Variants in COL20A1 observed in about 807,000 individuals in gnomAD.
COL20A1 encodes the protein collagen type XX alpha 1 chain, also known as collagen alpha-1(XX) chain.
In COL20A1, 164 loss-of-function variants were observed where a neutral mutation model predicts 152.9. The ratio of observed to expected loss-of-function variants is 1.07; its 90% confidence interval spans 0.94 to 1.22. COL20A1 has a LOEUF of 1.22. Among genes scored for constraint, COL20A1 ranks in the 50% most tolerant of loss-of-function variants. COL20A1 has a pLI of 0.00. For missense variants in COL20A1, 1,873 were observed against 1,744.8 expected, an observed-to-expected ratio of 1.07 and a Z score of -1.31; for synonymous variants, 864 against 756.0, an observed-to-expected ratio of 1.14 and a Z score of -2.34.
chr20:63,308,055 G>T lies in COL20A1; in HGVS notation c.740G>T (p.Arg247Leu). ...STKEQVLAAVRRLRYKGGNTF... is the reference protein window; with the variant it reads ...STKEQVLAAVLRLRYKGGNTF... The stretch of plus-strand genomic sequence containing the variant: ...AAGGAACAGGTGCTGGCAGCTGTGC[G>T]CCGCCTCCGCTACAAGGGGGGGAAC... The change falls in exon 7 of 36, where the codon CGC (arginine) becomes CTC (leucine). Residue 247 changes from arginine to leucine, a missense_variant. Coordinates refer to ENST00000358894, the MANE Select transcript of COL20A1 (RefSeq NM_020882.4). 1 of 1,612,540 alleles carries T rather than the reference G, an allele frequency of 6.2e-7. No homozygotes were observed.
Position 63,316,536 on chromosome 20 carries a change from C to T in COL20A1, c.2525-17C>T, listed in dbSNP as rs778390446. On this transcript the variant is annotated splice_polypyrimidine_tract_variant and intron_variant, in intron 20 of 35. Transcript: ENST00000358894. ...CTGAGGGTCCCTCGGTGCCCCTTCC[C>T]CCACCATCTTCCCCAGGGTTTGACC... 6.3e-6 allele frequency: 10 copies of T among 1,583,584 alleles called. No individual in the cohort carries two copies. The highest frequency in any genetic ancestry group is 1.4e-5 in the African/African-American group (1 of 74,046).
At position 63,334,320 on chromosome 20, in the gene COL20A1, AAAT is replaced by A. The variant is rs1434795622; in HGVS notation, c.*3608_*3610del. ...AGGAAACGTGAAGATACTTGTAACCAAATAATGATGGATGCAGCGCCACGTCAG... is the reference window on the plus strand; with the variant it reads ...AGGAAACGTGAAGATACTTGTAACCAAATGATGGATGCAGCGCCACGTCAG... On this transcript the variant is annotated 3_prime_UTR_variant, in exon 36 of 36. Transcript: ENST00000358894. 1.3e-5 allele frequency: 2 copies of A among 152,308 alleles called. No homozygotes were observed. The highest frequency in any genetic ancestry group is 2.4e-5 in the African/African-American group (1 of 41,474). The allele number at this position is 152,308 out of a possible 1,614,324, so 9.4% of individuals were successfully genotyped here.
chr20:63,308,070 AG>A lies in COL20A1; in HGVS notation c.762del (p.Asn255ThrfsTer8), dbSNP rs749207634. ...VLAAVRRLRY[K>X]GGNTFTGLAL... ...GCAGCTGTGCGCCGCCTCCGCTACA[AG>A]GGGGGGAACACGTTCACAGGTACGG... On this transcript the variant is annotated frameshift_variant, in exon 7 of 36. Transcript: ENST00000358894. LOFTEE classifies it high-confidence loss of function. 1.8e-4 allele frequency: 292 copies of A among 1,612,260 alleles called. No homozygotes were observed. The highest frequency in any genetic ancestry group is 1.5e-3 in the Middle Eastern group (9 of 6,056).
rs1428537386 is a variant in COL20A1 at position 63,306,050 on chromosome 20, G to A, written c.496+11G>A. 1 of 1,589,016 alleles carries A rather than the reference G, an allele frequency of 6.3e-7. No individual in the cohort carries two copies. The highest frequency in any genetic ancestry group is 8.5e-7 in the Non-Finnish European group (1 of 1,169,802). On this transcript the variant is annotated intron_variant, in intron 5 of 35. Coordinates refer to ENST00000358894, the MANE Select transcript of COL20A1 (RefSeq NM_020882.4). This position sits in a 1 kb window ranked among gnomAD's most constrained non-coding sequence, Gnocchi z 6.9. ...ATCCGCGCACTCCTGGTGGGTCAGA[G>A]TGGAGAGAGAGTAAGTCTCCGGGGA...
Position 63,312,482 on chromosome 20 carries a change from C to T in COL20A1, c.1866C>T (p.Tyr622=), listed in dbSNP as rs764543783. The T allele has an allele frequency of 6.2e-7, 1 of 1,609,176 alleles. No individual in the cohort carries two copies. Among genetic ancestry groups the T allele is most frequent in the South Asian group, 1.1e-5 (1 of 90,846 alleles). ...GGCCTCTCTCTTCCTCCACCACCTA[C>T]ACTGTCCGTGTCACCTGCCTCTACC... ...TLGPLSSSTT[Y]TVRVTCLYPG... is the part of the protein sequence containing the mutation. Residue 622 remains tyrosine, a synonymous_variant, in exon 15 of 36, where the codon TAC becomes TAT. Transcript: ENST00000358894.
intron 2 of COL20A1, 46 bp downstream of exon 2, chr20:63,295,235 T>C (rs1171452720): frequency 7.4e-7 from 1 of 1,358,806 alleles, no homozygotes; most frequent in Non-Finnish European, 1.0e-6. Context: ...AGGCCACGCC[T>C]GCCCCACCAG....
intron 35 of COL20A1, among the ~76,000 whole-genome samples, chr20:63,330,250 G>C (rs1314735510): frequency 6.6e-6 from 1 of 152,128 alleles, no homozygotes; most frequent in Non-Finnish European, 1.5e-5. Context: ...AGGAGCAGGT[G>C]GTGGGTACAG....
At chr20:63,295,796 TA>T (rs1401186938) in intron 2 of COL20A1, among the ~76,000 whole-genome samples, 2 of 152,214 alleles carry the variant, frequency 1.3e-5, no homozygotes, top group African/African-American at 4.8e-5. Flanking sequence ...AATGTGGGTT[TA>T]GATTGACTCT....
chr20:63,316,748 TAGG>T (rs2068090234), intron 21 of COL20A1, 57 bp downstream of exon 21: 3 of 1,439,780 alleles, frequency 2.1e-6, no homozygotes, highest in South Asian at 2.8e-5. Flanking sequence ...CGCTGAAGAT[TAGG>T]AGGACATGGT....
chr20:63,311,329 G>GC lies in COL20A1; in HGVS notation c.1394-61dup, dbSNP rs1285105637. The GC allele has an allele frequency of 6.8e-7, 1 of 1,462,154 alleles. No individual in the cohort carries two copies. The allele number at this position is 1,462,154 out of a possible 1,614,324, so 90.6% of individuals were successfully genotyped here. A position where few individuals can be genotyped will look rare whatever the true frequency, so the allele number is the denominator to read the frequency against. ...TGCCCACCCACTCTGGTGTGAGGGT[G>GC]CCCCGTGCGTGGGTGTGATCTCTGT... On this transcript the variant is annotated intron_variant, in intron 11 of 35. Transcript: ENST00000358894. This position sits in a 1 kb window ranked among gnomAD's most constrained non-coding sequence, Gnocchi z 4.4.
At chr20:63,325,821 T>A in intron 29 of COL20A1, 100 bp downstream of exon 29, 1 of 1,082,176 alleles carries the variant, frequency 9.2e-7, no homozygotes, top group Non-Finnish European at 1.4e-6. Context: ...GAGGGGGAGG[T>A]GCTTTCTCCT....
chr20:63,306,052 G>A lies in COL20A1; in HGVS notation c.496+13G>A. The A allele has an allele frequency of 6.3e-7, 1 of 1,586,244 alleles. No individual in the cohort carries two copies. On this transcript the variant is annotated intron_variant, in intron 5 of 35. Transcript: ENST00000358894. This position sits in a 1 kb window ranked among gnomAD's most constrained non-coding sequence, Gnocchi z 6.9. ...CCGCGCACTCCTGGTGGGTCAGAGT[G>A]GAGAGAGAGTAAGTCTCCGGGGAGG... is the stretch of plus-strand genomic sequence containing the variant.
chr20:63,296,491 G>A (rs2043392324), intron 2 of COL20A1, among the ~76,000 whole-genome samples: 1 of 152,248 alleles, frequency 6.6e-6, no homozygotes, highest in African/African-American at 2.4e-5. Context: ...ACACGCTGGG[G>A]CAGCCCTTCC....
At chr20:63,322,209 A>ACT in intron 27 of COL20A1, 98 bp downstream of exon 27, 2 of 1,023,194 alleles carry the variant, frequency 2.0e-6, no homozygotes, top group Non-Finnish European at 2.8e-6. Flanking sequence ...AGGGAGCTGC[A>ACT]CGCAGCTTCC....
chr20:63,315,662 C>A lies in COL20A1; in HGVS notation c.2524+223C>A, dbSNP rs913993981. Among the ~76,000 whole-genome samples the A allele has an allele frequency of 2.6e-5, 4 of 152,242 alleles. No individual in the cohort carries two copies. The South Asian group carries it at 8.3e-4, about 31-fold the overall frequency. On this transcript the variant is annotated intron_variant, in intron 20 of 35. Coordinates refer to ENST00000358894, the MANE Select transcript of COL20A1 (RefSeq NM_020882.4). ...GGTTATGTAAGGTCAGGGCCAGGAACCGGCAGAGCCCAGGCAGCGCTGGGG... is the reference window on the plus strand; with the variant it reads ...GGTTATGTAAGGTCAGGGCCAGGAAACGGCAGAGCCCAGGCAGCGCTGGGG...
In COL20A1 at chr20:63,310,515, G is replaced by T; in HGVS notation, c.1393+5G>T. 1 of 1,588,138 alleles carries T rather than the reference G, an allele frequency of 6.3e-7. No homozygotes were observed. Among genetic ancestry groups the T allele is most frequent in the Non-Finnish European group, 8.6e-7 (1 of 1,167,586 alleles). On this transcript the variant is annotated splice_donor_5th_base_variant and intron_variant, in intron 11 of 35. Coordinates refer to ENST00000358894, the MANE Select transcript of COL20A1 (RefSeq NM_020882.4). Reference sequence around the variant, plus strand: ...TGCGGGGCCTGGTGACCACAGGTAGGTGGGGCAGAGGCAGCGGCCAGGTTC... The same window carrying T: ...TGCGGGGCCTGGTGACCACAGGTAGTTGGGGCAGAGGCAGCGGCCAGGTTC...
chr20:63,326,015 G>T, intron 29 of COL20A1, 81 bp from the exon 30 acceptor site: 1 of 1,264,572 alleles, frequency 7.9e-7, no homozygotes, highest in East Asian at 2.3e-5. Flanking sequence ...GGTGTGTTGG[G>T]TGCTGCTGGG....
At chr20:63,308,499 G>A in intron 7 of COL20A1, 43 bp from the exon 8 acceptor site, 1 of 1,503,070 alleles carries the variant, frequency 6.7e-7, no homozygotes, top group Non-Finnish European at 8.9e-7. Context: ...ACCAGGAGGG[G>A]ATGCTGGCAG....
At chr20:63,328,904 G>A (rs1478268265) in intron 34 of COL20A1, among the ~76,000 whole-genome samples, 8 of 144,444 alleles carry the variant, frequency 5.5e-5, no homozygotes, top group African/African-American at 1.8e-4. Context: ...CCCACCCAGC[G>A]CACAGTCGCA....
Sources: gnomAD v4.1 joint callset for allele counts (sites outside exome capture counted in the v4.1 genomes callset) on GRCh38, gnomAD v4.1.1 for gene constraint, Gnocchi (gnomAD v3.1) non-coding constraint, MANE v1.5 for transcripts, NCBI Gene and HGNC (gene_info 2026-07-23, HGNC 2026-07-21) for gene names.